FGL1: variants seen among roughly 807,000 people sequenced by gnomAD.
FGL1 encodes fibrinogen-like protein 1.
FGL1 carries 59 observed loss-of-function variants against 43.7 expected under a neutral mutation model. The observed-to-expected ratio is 1.35, with a 90% confidence interval of 1.10 to 1.68. The LOEUF is 1.68. Among genes scored for constraint, FGL1 ranks in the 40% most tolerant of loss-of-function variants. The pLI, the probability that FGL1 is intolerant of heterozygous loss-of-function variation, is 0.00. For missense variants in FGL1, 596 were observed against 373.0 expected, an observed-to-expected ratio of 1.60 and a Z score of -4.92; for synonymous variants, 192 against 126.5, an observed-to-expected ratio of 1.52 and a Z score of -3.48.
chr8:17,865,410 T>C (rs1355559283), intron 7 of FGL1, among the ~76,000 whole-genome samples: 3 of 152,192 alleles, frequency 2.0e-5, no homozygotes, highest in South Asian at 2.1e-4. Flanking sequence ...TTAGCTTTCA[T>C]AATTCAAACT....
intron 1 of FGL1, among the ~76,000 whole-genome samples, chr8:17,892,432 C>T (rs2053718279): frequency 6.6e-6 from 1 of 151,986 alleles, no homozygotes; most frequent in African/African-American, 2.4e-5. Flanking sequence ...GAGGAAGTGA[C>T]ATCATTCAGT....
At chr8:17,869,199 A>G (rs1232861194) in intron 5 of FGL1, among the ~76,000 whole-genome samples, 195 bp from the exon 6 acceptor site, 1 of 152,226 alleles carries the variant, frequency 6.6e-6, no homozygotes, top group African/African-American at 2.4e-5. Flanking sequence ...TTGAAAAAAA[A>G]TGATGGATAC....
intron 3 of FGL1, among the ~76,000 whole-genome samples, chr8:17,879,044 T>TTTTATC (rs2053497325): frequency 2.4e-5 from 2 of 83,712 alleles, no homozygotes; most frequent in African/African-American, 8.4e-5. Flanking sequence ...TATATTTTAT[T>TTTTATC]TCCCCTTTTT....
chr8:17,887,931 G>T (rs954935010), intron 1 of FGL1, among the ~76,000 whole-genome samples: 7 of 151,602 alleles, frequency 4.6e-5, no homozygotes, highest in Non-Finnish European at 1.0e-4. Flanking sequence ...AAGAACTCTG[G>T]CATTTCACTC....
chr8:17,874,023 AG>A lies in FGL1; in HGVS notation c.497del (p.Thr166IlefsTer7). On this transcript the variant is annotated frameshift_variant, in exon 5 of 8. Transcript: ENST00000427924. LOFTEE classifies it high-confidence loss of function. ...LGNKNLHFLT[T>X]QEDYTLKIDL... Reference sequence around the variant, plus strand: ...CTGACATCATTCAAACCTTACCTTGAGTGGTCAAGAAGTGAAGATTTTTATT... The same window carrying A: ...CTGACATCATTCAAACCTTACCTTGATGGTCAAGAAGTGAAGATTTTTATT... 1.3e-6 allele frequency: 2 copies of A among 1,596,896 alleles called. No individual in the cohort carries two copies. The highest frequency in any genetic ancestry group is 1.7e-6 in the Non-Finnish European group (2 of 1,174,098).
At chr8:17,870,103 C>G (rs1016575421) in intron 5 of FGL1, among the ~76,000 whole-genome samples, 4 of 151,778 alleles carry the variant, frequency 2.6e-5, no homozygotes, top group African/African-American at 9.7e-5. Flanking sequence ...GAGCGAGACT[C>G]CGTCGCAAAA....
At chr8:17,885,691 G>A in intron 1 of FGL1, 120 bp from the exon 2 acceptor site, 2 of 717,962 alleles carry the variant, frequency 2.8e-6, no homozygotes, top group Non-Finnish European at 4.6e-6. Flanking sequence ...TAATCTTAGA[G>A]TCGCCGAGGA....
intron 5 of FGL1, among the ~76,000 whole-genome samples, chr8:17,872,114 G>A (rs1264806564): frequency 6.6e-6 from 1 of 151,978 alleles, no homozygotes; most frequent in Admixed American, 6.6e-5. Context: ...AATTTAGAGA[G>A]CACTGATCAT....
intron 1 of FGL1, among the ~76,000 whole-genome samples, chr8:17,892,912 G>T (rs544394454): frequency 1.0e-3 from 156 of 152,178 alleles, no homozygotes; most frequent in African/African-American, 3.7e-3. Flanking sequence ...TAAAAAGTTA[G>T]AGCTTAGCCA....
intron 3 of FGL1, among the ~76,000 whole-genome samples, chr8:17,876,678 G>C (rs1173644124): frequency 6.6e-6 from 1 of 152,042 alleles, no homozygotes. Flanking sequence ...AGCCCTATTT[G>C]GAAAGAAGCT....
chr8:17,864,953 A>AT (rs897920117), intron 7 of FGL1, among the ~76,000 whole-genome samples: 4 of 151,190 alleles, frequency 2.6e-5, no homozygotes, highest in East Asian at 3.9e-4. Flanking sequence ...TTATTTTTTA[A>AT]TTTTTTTTTA....
At chr8:17,884,916 A>G (rs2053605209) in intron 2 of FGL1, among the ~76,000 whole-genome samples, 1 of 152,176 alleles carries the variant, frequency 6.6e-6, no homozygotes, top group Non-Finnish European at 1.5e-5. Flanking sequence ...CAATATTGAA[A>G]AGCTCAAGGT....
At chr8:17,890,203 C>T (rs34810128) in intron 1 of FGL1, among the ~76,000 whole-genome samples, 1,923 of 152,274 alleles carry the variant, frequency 0.013, 43 homozygotes, top group African/African-American at 0.044. Flanking sequence ...TTTCTCACCA[C>T]CTCTATTGCT....
At chr8:17,867,143 G>C (rs1335292590) in intron 7 of FGL1, among the ~76,000 whole-genome samples, 1 of 152,026 alleles carries the variant, frequency 6.6e-6, no homozygotes, top group Non-Finnish European at 1.5e-5. Context: ...TTATCTGCAG[G>C]GGATACGTTC....
chr8:17,889,803 C>G (rs1307040111), intron 1 of FGL1, among the ~76,000 whole-genome samples: 1 of 152,148 alleles, frequency 6.6e-6, no homozygotes, highest in Non-Finnish European at 1.5e-5. Flanking sequence ...ACATTTCTGA[C>G]TTAGAAAAAT....
chr8:17,888,020 A>G (rs1292586268), intron 1 of FGL1, among the ~76,000 whole-genome samples: 3 of 152,108 alleles, frequency 2.0e-5, no homozygotes, highest in African/African-American at 7.2e-5. Context: ...GCCCAGTGAT[A>G]GAAATAGTAG....
At chr8:17,891,072 T>G (rs2053697750) in intron 1 of FGL1, among the ~76,000 whole-genome samples, 1 of 152,186 alleles carries the variant, frequency 6.6e-6, no homozygotes, top group South Asian at 2.1e-4. Flanking sequence ...ATATATGTGT[T>G]TATTGTCTAC....
At chr8:17,865,326 C>T (rs1167019375) in intron 7 of FGL1, among the ~76,000 whole-genome samples, 2 of 152,160 alleles carry the variant, frequency 1.3e-5, no homozygotes, top group African/African-American at 2.4e-5. Flanking sequence ...CAAAGCAAGT[C>T]GTGGGCAAGG....
chr8:17,878,237 TCATGG>T (rs1207164051), intron 3 of FGL1, among the ~76,000 whole-genome samples: 1 of 152,188 alleles, frequency 6.6e-6, no homozygotes, highest in Non-Finnish European at 1.5e-5. Flanking sequence ...CAGGCATGAT[TCATGG>T]CACCTGGCCA....
Sources: gnomAD v4.1 joint callset for allele counts (sites outside exome capture counted in the v4.1 genomes callset) on GRCh38, gnomAD v4.1.1 for gene constraint, MANE v1.5 for transcripts, NCBI Gene and HGNC (gene_info 2026-07-23, HGNC 2026-07-21) for gene names.